Variants in CCDC7 observed in about 807,000 individuals in gnomAD.
CCDC7 encodes coiled-coil domain-containing protein 7.
A neutral mutation model predicts 196.9 loss-of-function variants in CCDC7; 183 were observed. That is an observed-to-expected ratio of 0.93 (90% confidence interval 0.82 to 1.05). CCDC7 has a LOEUF of 1.05. Ranked by LOEUF, CCDC7 falls within the 50% of genes least tolerant of loss-of-function variation. The probability of loss-of-function intolerance (pLI) is 0.00; values close to 1 mark genes in which losing one functional copy is unlikely to be tolerated. For missense variants in CCDC7, 1,540 were observed against 1,482.2 expected (o/e 1.04, Z -0.64); for synonymous variants, 525 against 484.6 (o/e 1.08, Z -1.10).
At chr10:32,544,138 T>TA in intron 12 of CCDC7, 109 bp from the exon 14 acceptor site, 1 of 913,430 alleles carries the variant, frequency 1.1e-6, no homozygotes, top group Non-Finnish European at 1.6e-6. Context: ...TGAATTTTTT[T>TA]AAAAAAACTT....
chr10:32,754,701 T>C (rs1445051265), intron 28 of CCDC7, among the ~76,000 whole-genome samples: 1 of 152,126 alleles, frequency 6.6e-6, no homozygotes, highest in Non-Finnish European at 1.5e-5. Context: ...GCTCCCAGCA[T>C]GAGCAACGCA....
At chr10:32,536,234 A>G (rs1037197661) in intron 11 of CCDC7, among the ~76,000 whole-genome samples, 4 of 152,112 alleles carry the variant, frequency 2.6e-5, no homozygotes, top group Non-Finnish European at 5.9e-5. Context: ...TCTCCCTTCC[A>G]GGAAGAAATT....
chr10:32,794,964 C>T (rs2083318606), intron 29 of CCDC7, among the ~76,000 whole-genome samples: 1 of 152,128 alleles, frequency 6.6e-6, no homozygotes, highest in Non-Finnish European at 1.5e-5. Context: ...GTCTGGAAAG[C>T]ATCCTAGTGC....
At chr10:32,866,667 G>T (rs929565915) in intron 41 of CCDC7, among the ~76,000 whole-genome samples, 5 of 151,158 alleles carry the variant, frequency 3.3e-5, no homozygotes, top group Non-Finnish European at 5.9e-5. Context: ...GGAAGCAGAG[G>T]GAGGAAAAAG....
intron 26 of CCDC7, among the ~76,000 whole-genome samples, 175 bp from the exon 28 acceptor site, chr10:32,728,712 T>C (rs1206330404): frequency 6.6e-6 from 1 of 152,170 alleles, no homozygotes; most frequent in Non-Finnish European, 1.5e-5. Context: ...CTTCAGAATA[T>C]TTATGAAATA....
At chr10:32,854,559 C>A in intron 41 of CCDC7, 70 bp downstream of exon 42, 2 of 1,011,466 alleles carry the variant, frequency 2.0e-6, no homozygotes, top group Non-Finnish European at 3.0e-6. Context: ...TCTCTATTTA[C>A]CAACCTCAAA....
rs578148766 is a variant in CCDC7 at position 32,804,538 on chromosome 10, A to G, written c.3014-477A>G. Among the ~76,000 whole-genome samples the G allele has an allele frequency of 4.6e-5, 7 of 152,306 alleles. No individual in the cohort carries two copies. The South Asian group carries it at 6.2e-4, about 14-fold the overall frequency. On this transcript the variant is annotated intron_variant, in intron 29 of 41. Coordinates refer to ENST00000639629, the Ensembl canonical transcript of CCDC7. Reference sequence around the variant, plus strand: ...GGATGAGTCAAAGTATTTCTGCACTATAATAATTTCCTGTGATTATGAAGA... The same window carrying G: ...GGATGAGTCAAAGTATTTCTGCACTGTAATAATTTCCTGTGATTATGAAGA...
rs750790444 is a variant in CCDC7 at position 32,518,433 on chromosome 10, G to A, written c.921G>A (p.Gln307=). ...GTTTTTAGGAATACAAACAGATGCA[G>A]TGTGATTTTCAGTTGTTATCAGAAG... Residue 307 remains glutamine, a synonymous_variant, in exon 11 of 42, where the codon CAG becomes CAA. Transcript: ENST00000639629. The A allele has an allele frequency of 1.4e-5, 22 of 1,603,276 alleles. No homozygotes were observed. In the East Asian group the frequency reaches 4.8e-4, roughly 35 times the overall value.
chr10:32,720,785 C>T (rs937006991), intron 25 of CCDC7, among the ~76,000 whole-genome samples: 3 of 152,050 alleles, frequency 2.0e-5, no homozygotes, highest in African/African-American at 7.2e-5. Flanking sequence ...TTTTCAGTAT[C>T]TCCCCAAAAT....
chr10:32,823,654 A>T (rs994834623), intron 31 of CCDC7, among the ~76,000 whole-genome samples: 1 of 152,204 alleles, frequency 6.6e-6, no homozygotes, highest in African/African-American at 2.4e-5. Flanking sequence ...ACTTTGACAC[A>T]AAAAACTTCA....
At chr10:32,760,724 A>T (rs2077324410) in intron 28 of CCDC7, among the ~76,000 whole-genome samples, 1 of 151,964 alleles carries the variant, frequency 6.6e-6, no homozygotes, top group Non-Finnish European at 1.5e-5. Flanking sequence ...GTGCACATGT[A>T]CCCTAAACCT....
rs553624972 is a variant in CCDC7 at position 32,800,550 on chromosome 10, G to A, written c.3014-4465G>A. ...TCACAATAACATTTTTGAGTCCCCC[G>A]GAATCAATGTCAGCTCAGAGCCAGT... On this transcript the variant is annotated intron_variant, in intron 29 of 41. Transcript: ENST00000639629. Among the ~76,000 whole-genome samples the A allele has an allele frequency of 5.3e-5, 8 of 152,186 alleles. No individual in the cohort carries two copies. The East Asian group carries it at 1.2e-3, about 22-fold the overall frequency.
chr10:32,761,111 A>G (rs931595506), intron 28 of CCDC7, among the ~76,000 whole-genome samples: 8 of 152,072 alleles, frequency 5.3e-5, no homozygotes, highest in African/African-American at 1.9e-4. Flanking sequence ...GTTTCAGGCT[A>G]TAATAAATTC....
At chr10:32,786,040 G>A (rs557881713) in intron 29 of CCDC7, among the ~76,000 whole-genome samples, 10 of 152,266 alleles carry the variant, frequency 6.6e-5, no homozygotes, top group African/African-American at 2.4e-4. Flanking sequence ...AGACTCTTAG[G>A]ATAGAATTAA....
chr10:32,609,555 T>TG (rs113477746), intron 18 of CCDC7, among the ~76,000 whole-genome samples: 17,185 of 152,142 alleles, frequency 0.11, 1,167 homozygotes, highest in South Asian at 0.27. Context: ...AGCTTTTAAG[T>TG]GGGGAACTCA....
At chr10:32,822,298 A>T (rs2090387433) in intron 31 of CCDC7, among the ~76,000 whole-genome samples, 1 of 152,196 alleles carries the variant, frequency 6.6e-6, no homozygotes, top group African/African-American at 2.4e-5. Flanking sequence ...AAATTTATAT[A>T]ATTGTATCAT....
At chr10:32,519,658 A>G (rs2047580050) in intron 11 of CCDC7, among the ~76,000 whole-genome samples, 1 of 152,136 alleles carries the variant, frequency 6.6e-6, no homozygotes, top group Admixed American at 6.5e-5. Context: ...ACAGGCATAC[A>G]ATGTGTAATA....
intron 11 of CCDC7, among the ~76,000 whole-genome samples, chr10:32,540,990 G>A (rs1295971124): frequency 3.3e-5 from 5 of 151,306 alleles, no homozygotes; most frequent in East Asian, 1.9e-4. Context: ...CTTTTTCCCC[G>A]CCTCTTTCAG....
intron 29 of CCDC7, among the ~76,000 whole-genome samples, chr10:32,786,140 A>G (rs1469698611): frequency 1.3e-5 from 2 of 152,206 alleles, no homozygotes; most frequent in East Asian, 1.9e-4. Flanking sequence ...ATCTATAAAA[A>G]CAGTAACTGA....
Sources: allele counts gnomAD v4.1 joint callset (sites outside exome capture counted in the v4.1 genomes callset), GRCh38; gene constraint gnomAD v4.1.1; transcripts MANE v1.5; gene names NCBI Gene and HGNC (gene_info 2026-07-23, HGNC 2026-07-21).